The following CMSS1 variants were observed in gnomAD, a reference collection of about 807,000 sequenced individuals.
The protein encoded by CMSS1 is cms1 ribosomal small subunit homolog.
A neutral mutation model predicts 43.5 loss-of-function variants in CMSS1; 33 were observed. The ratio of observed to expected loss-of-function variants is 0.76; its 90% confidence interval spans 0.57 to 1.01. The LOEUF (loss-of-function observed/expected upper bound fraction) is 1.01. Ranked by LOEUF, CMSS1 falls within the 50% of genes least tolerant of loss-of-function variation. The pLI is 0.00. For synonymous variants in CMSS1, 115 were observed against 117.2 expected (o/e 0.98, Z 0.12); for missense variants, 313 against 326.4 (o/e 0.96, Z 0.32).
At chr3:99,850,353 G>C in intron 1 of CMSS1, 1 of 1,612,972 alleles carries the variant, frequency 6.2e-7, no homozygotes, top group South Asian at 1.1e-5. Context: ...TCAGAGAGTA[G>C]CATTCTTGTT....
At chr3:99,849,734 C>A in intron 1 of CMSS1, 2 of 1,613,832 alleles carry the variant, frequency 1.2e-6, no homozygotes, top group South Asian at 1.1e-5. Context: ...TTCATGAGGT[C>A]ATCCTCAATG....
chr3:99,929,896 G>A lies in CMSS1; in HGVS notation c.64+111853G>A, dbSNP rs201635242. Reference sequence around the variant, plus strand: ...CTCATAGATGTCCTCCTGCCAAGGGGTAGATTTCGCTTGAAAAGCATCTCT... The same window carrying A: ...CTCATAGATGTCCTCCTGCCAAGGGATAGATTTCGCTTGAAAAGCATCTCT... On this transcript the variant is annotated intron_variant, in intron 1 of 9. Coordinates refer to ENST00000421999, the MANE Select transcript of CMSS1 (RefSeq NM_032359.4). 64 of 1,613,910 alleles carry A rather than the reference G, an allele frequency of 4.0e-5. 3 individuals carry two copies. The South Asian group carries it at 6.2e-4, about 16-fold the overall frequency.
chr3:100,176,417 T>C lies in CMSS1; in HGVS notation c.756+2T>C. 6.2e-7 allele frequency: 1 copy of C among 1,603,054 alleles called. No homozygotes were observed. The highest frequency in any genetic ancestry group is 8.5e-7 in the Non-Finnish European group (1 of 1,170,280). On this transcript the variant is annotated splice_donor_variant, in intron 9 of 9. Transcript: ENST00000421999. LOFTEE classifies it high-confidence loss of function. Reference sequence around the variant, plus strand: ...AGGAGAATGATGGACATTCCCGAGGTACCACGTAACCAGCAGTTGCCTTTA... The same window carrying C: ...AGGAGAATGATGGACATTCCCGAGGCACCACGTAACCAGCAGTTGCCTTTA...
At chr3:99,938,838 A>C (rs1707771419) in intron 1 of CMSS1, among the ~76,000 whole-genome samples, 1 of 152,212 alleles carries the variant, frequency 6.6e-6, no homozygotes. Flanking sequence ...CTTTCAAAAA[A>C]AAAAAGTTTC....
chr3:100,032,745 G>A (rs1461045951), intron 1 of CMSS1, among the ~76,000 whole-genome samples: 1 of 152,136 alleles, frequency 6.6e-6, no homozygotes, highest in African/African-American at 2.4e-5. Flanking sequence ...TGCTTTGTAG[G>A]TAACTCACTT....
At chr3:99,864,797 GGATTCCCCCTCACCTCATTA>G (rs1235314735) in intron 1 of CMSS1, among the ~76,000 whole-genome samples, 8 of 151,888 alleles carry the variant, frequency 5.3e-5, no homozygotes, top group Non-Finnish European at 1.0e-4. Context: ...AGGAACCACT[GGATTCCCCCTCACCTCATTA>G]GTACCATCTG....
At chr3:99,960,062 A>G (rs2107701438) in intron 1 of CMSS1, among the ~76,000 whole-genome samples, 1 of 152,198 alleles carries the variant, frequency 6.6e-6, no homozygotes, top group Non-Finnish European at 1.5e-5. Context: ...TGTGTATAGC[A>G]TTATGCCTCT....
chr3:100,008,841 C>T (rs930094158), intron 1 of CMSS1, among the ~76,000 whole-genome samples: 8 of 152,138 alleles, frequency 5.3e-5, no homozygotes, highest in African/African-American at 1.9e-4. Flanking sequence ...GGTCATCTGA[C>T]TAGATGCAGC....
intron 2 of CMSS1, among the ~76,000 whole-genome samples, chr3:100,156,650 CTG>C (rs1384114358): frequency 6.6e-6 from 1 of 151,432 alleles, no homozygotes; most frequent in African/African-American, 2.4e-5. Context: ...GAGTCTCGCT[CTG>C]TCGCCCGGGC....
chr3:99,957,773 G>A (rs1708376571), intron 1 of CMSS1, among the ~76,000 whole-genome samples: 1 of 132,126 alleles, frequency 7.6e-6, no homozygotes, highest in African/African-American at 2.8e-5. Flanking sequence ...GTTCCATTCA[G>A]TGATATAAAG....
chr3:100,040,598 C>G (rs570356223), intron 1 of CMSS1: 7 of 152,194 alleles, frequency 4.6e-5, no homozygotes, highest in Admixed American at 2.0e-4. Context: ...CTGAACAGGC[C>G]CTTATATATG....
chr3:99,965,697 A>G (rs541753416), intron 1 of CMSS1, among the ~76,000 whole-genome samples: 2 of 152,272 alleles, frequency 1.3e-5, no homozygotes, highest in Non-Finnish European at 2.9e-5. Context: ...CCCCCTGCTC[A>G]TCCTGTGGAA....
At position 99,958,720 on chromosome 3, in the gene CMSS1, CCTT is replaced by C. The variant is rs1173112985; in HGVS notation, c.64+140679_64+140681del. Among the ~76,000 whole-genome samples the C allele has an allele frequency of 4.6e-5, 7 of 152,264 alleles. No individual in the cohort carries two copies. In the South Asian group the frequency reaches 1.5e-3, roughly 32 times the overall value. On this transcript the variant is annotated intron_variant, in intron 1 of 9. Transcript: ENST00000421999. Reference sequence around the variant, plus strand: ...CATAGAGGCATGAGCCAGCAGGGCTCCTTCAGGGAACAGCAGTGTGGATCATGG... The same window carrying C: ...CATAGAGGCATGAGCCAGCAGGGCTCCAGGGAACAGCAGTGTGGATCATGG...
chr3:100,082,240 A>G (rs1056749184), intron 1 of CMSS1, among the ~76,000 whole-genome samples: 1 of 152,250 alleles, frequency 6.6e-6, no homozygotes, highest in African/African-American at 2.4e-5. Flanking sequence ...GAATTCATAG[A>G]ATAGAATCTG....
intron 1 of CMSS1, among the ~76,000 whole-genome samples, chr3:99,950,925 G>GCTGT (rs1708158184): frequency 6.6e-6 from 1 of 152,138 alleles, no homozygotes; most frequent in Non-Finnish European, 1.5e-5. Context: ...GGAGGGGAAG[G>GCTGT]CTGTCACCCA....
At chr3:100,172,438 G>A (rs1381504086) in intron 8 of CMSS1, 35 bp downstream of exon 8, 7 of 1,535,348 alleles carry the variant, frequency 4.6e-6, no homozygotes, top group Non-Finnish European at 6.3e-6. Flanking sequence ...CTTGCCCAGG[G>A]CTGGGAGTTT....
Position 99,918,949 on chromosome 3 carries a change from A to G in CMSS1, c.64+100906A>G, listed in dbSNP as rs1007098873. Among the ~76,000 whole-genome samples the G allele has an allele frequency of 3.9e-5, 6 of 152,372 alleles. No homozygotes were observed. The East Asian group carries it at 1.2e-3, about 29-fold the overall frequency. The stretch of plus-strand genomic sequence containing the variant: ...TATGTAATACAAATAGCTCCTTGCC[A>G]GAAAAACTGAAAGGAAATGATTGCA... On this transcript the variant is annotated intron_variant, in intron 1 of 9. Coordinates refer to ENST00000421999, the MANE Select transcript of CMSS1 (RefSeq NM_032359.4).
intron 1 of CMSS1, among the ~76,000 whole-genome samples, chr3:100,126,673 T>C (rs748725439): frequency 1.3e-5 from 2 of 152,190 alleles, no homozygotes; most frequent in African/African-American, 4.8e-5. Context: ...TGATCTATAG[T>C]TAACTAAGAG....
intron 1 of CMSS1, among the ~76,000 whole-genome samples, chr3:99,825,748 C>T (rs1325500491): frequency 6.7e-6 from 1 of 148,978 alleles, no homozygotes. Flanking sequence ...TTTTGTGGCA[C>T]AAATCTTTTT....
Sources: allele counts gnomAD v4.1 joint callset (sites outside exome capture counted in the v4.1 genomes callset), GRCh38; gene constraint gnomAD v4.1.1; transcripts MANE v1.5; gene names NCBI Gene and HGNC (gene_info 2026-07-23, HGNC 2026-07-21).